Variants in ACRV1 observed in about 807,000 individuals in gnomAD.
ACRV1 encodes the protein acrosomal vesicle protein 1.
ACRV1 carries 17 observed loss-of-function variants against 29.2 expected under a neutral mutation model. That is an observed-to-expected ratio of 0.58 (90% confidence interval 0.40 to 0.87). ACRV1 has a LOEUF of 0.87. Among genes scored for constraint, ACRV1 ranks in the 40% least tolerant of loss-of-function variants. The pLI is 0.00. For synonymous variants in ACRV1, 98 were observed against 111.6 expected, an observed-to-expected ratio of 0.88 and a Z score of 0.77; for missense variants, 294 against 316.0, an observed-to-expected ratio of 0.93 and a Z score of 0.53.
Position 125,672,045 on chromosome 11 carries a change from A to G in ACRV1, c.*548T>C, listed in dbSNP as rs1942217366. 6.6e-6 allele frequency: 1 copy of G among 152,322 alleles called. No individual in the cohort carries two copies. Among genetic ancestry groups the G allele is most frequent in the Non-Finnish European group, 1.5e-5 (1 of 68,220 alleles). 9.4% of individuals were successfully genotyped at this position (152,322 alleles called of 1,614,324 possible). ...AGTAGTGGACTACTGAAGACTAGAA[A>G]CTCTCAAGAGCCAAAGAAGAGTTGA... On this transcript the variant is annotated 3_prime_UTR_variant, in exon 4 of 4. Coordinates refer to ENST00000533904, the MANE Select transcript of ACRV1 (RefSeq NM_001612.6).
intron 1 of ACRV1, among the ~76,000 whole-genome samples, chr11:125,678,974 CAT>C (rs1555078663): frequency 8.1e-4 from 19 of 23,544 alleles, no homozygotes; most frequent in South Asian, 2.2e-3. Context: ...AAAGTCTAGG[CAT>C]ATTATATATA....
chr11:125,673,212 CTTTTTTT>C (rs11434532), intron 3 of ACRV1, among the ~76,000 whole-genome samples: 7 of 126,840 alleles, frequency 5.5e-5, no homozygotes, highest in Admixed American at 5.2e-4. Context: ...CTTTTCTTTT[CTTTTTTT>C]TTTTTGAGAC....
In ACRV1 at chr11:125,678,012, T is replaced by C. The variant is rs1942608440; in HGVS notation, c.338A>G (p.Gln113Arg). ...ACCTGAAGGCTGTTCTCCTGAAGGC[T>C]GCTCACCTACAGTATGCTCACCTTC... ...HAEGEHTVGE[Q>R]PSGEQPSGEH... Residue 113 changes from glutamine to arginine, a missense_variant, in exon 2 of 4, where the codon CAG (glutamine) becomes CGG (arginine). Gln to Arg is a conservative substitution (Grantham distance 43). Transcript: ENST00000533904. 1.9e-6 allele frequency: 3 copies of C among 1,614,160 alleles called. No individual in the cohort carries two copies. The highest frequency in any genetic ancestry group is 1.7e-6 in the Non-Finnish European group (2 of 1,180,018).
At chr11:125,672,746 CAGAA>C in intron 3 of ACRV1, 29 bp from the exon 4 acceptor site, 1 of 1,612,422 alleles carries the variant, frequency 6.2e-7, no homozygotes, top group Non-Finnish European at 8.5e-7. Context: ...GACTAGTGAG[CAGAA>C]AGCTTCGTCC....
intron 3 of ACRV1, among the ~76,000 whole-genome samples, chr11:125,675,103 G>C (rs986125948): frequency 1.3e-5 from 2 of 152,168 alleles, no homozygotes; most frequent in Non-Finnish European, 2.9e-5. Context: ...TCTATTCCCA[G>C]AGATCCTGGT....
intron 3 of ACRV1, among the ~76,000 whole-genome samples, chr11:125,673,824 C>G (rs145173134): frequency 1.4e-3 from 211 of 152,210 alleles, no homozygotes; most frequent in African/African-American, 4.5e-3. Context: ...TCTGTCAGTT[C>G]TACTTGCAAT....
rs747960965 is a variant in ACRV1 at position 125,680,760 on chromosome 11, T to C, written c.21A>G (p.Leu7=). 3 of 1,613,778 alleles carry C rather than the reference T, an allele frequency of 1.9e-6. No individual in the cohort carries two copies. Among genetic ancestry groups the C allele is most frequent in the Non-Finnish European group, 2.5e-6 (3 of 1,179,790 alleles). Reference sequence around the variant, plus strand: ...CAGATCCAAGCAGATAAAGACTCATTAGCAAGAGAAACCTGTTCATCTGGA... The same window carrying C: ...CAGATCCAAGCAGATAAAGACTCATCAGCAAGAGAAACCTGTTCATCTGGA... The part of the protein sequence containing the change: MNRFLL[L]MSLYLLGSAR... The change falls in exon 1 of 4, where the codon CTA becomes CTG. Residue 7 remains leucine, a synonymous_variant. Transcript: ENST00000533904.
chr11:125,674,875 A>G (rs745979485), intron 3 of ACRV1, among the ~76,000 whole-genome samples: 11 of 152,228 alleles, frequency 7.2e-5, no homozygotes, highest in Admixed American at 2.0e-4. Context: ...GCTCCAGTCA[A>G]CCTTTCCAAG....
rs1354045635 is a variant in ACRV1, at chr11:125,677,854, C to G, written c.496G>C (p.Gly166Arg). 1.2e-6 allele frequency: 2 copies of G among 1,614,052 alleles called. No individual in the cohort carries two copies. The highest frequency in any genetic ancestry group is 1.7e-6 in the Non-Finnish European group (2 of 1,180,018). ...GCCTGTTCCCCTGAAGCGTGCTCAC[C>G]TGAAGGCTGTTCACCCGAGGCCTGC... ...GEQASGEQPSGEHASGEQASG... is the reference protein window; with the variant it reads ...GEQASGEQPSREHASGEQASG... The change falls in exon 2 of 4, where the codon GGT (glycine) becomes CGT (arginine). Residue 166 changes from glycine to arginine, a missense_variant. Gly to Arg is a moderately radical substitution (Grantham distance 125, BLOSUM62 -2). Transcript: ENST00000533904.
chr11:125,676,150 C>A, intron 3 of ACRV1: 1 of 517,104 alleles, frequency 1.9e-6, no homozygotes, highest in Non-Finnish European at 3.4e-6. Flanking sequence ...TCAAGTGATC[C>A]ACCTGCCTTG....
In ACRV1 at chr11:125,679,304, G is replaced by A. The variant is rs138279137; in HGVS notation, c.53-1007C>T. On this transcript the variant is annotated intron_variant, in intron 1 of 3. Coordinates refer to ENST00000533904, the MANE Select transcript of ACRV1 (RefSeq NM_001612.6). ...ACAATCTTGGCTCACTGCAACCTCC[G>A]CCTCCCGGGTTCAAGTGATCCTCCT... Among the ~76,000 whole-genome samples, 590 of 143,752 alleles carry A rather than the reference G, an allele frequency of 4.1e-3. 1 individual carries two copies. The highest frequency in any genetic ancestry group is 0.014 in the African/African-American group (549 of 39,086). 94.3% of individuals were successfully genotyped at this position (143,752 alleles called of 152,430 possible).
intron 1 of ACRV1, 25 bp downstream of exon 1, chr11:125,680,704 C>G: frequency 1.9e-6 from 3 of 1,607,258 alleles, no homozygotes; most frequent in Non-Finnish European, 2.6e-6. Context: ...TTTGTATTTA[C>G]CTGAAGCCTA....
At chr11:125,679,187 A>AGT (rs1454671208) in intron 1 of ACRV1, among the ~76,000 whole-genome samples, 3 of 144,540 alleles carry the variant, frequency 2.1e-5, no homozygotes, top group Non-Finnish European at 4.5e-5. Flanking sequence ...TTTTCTGGCC[A>AGT]GTCTCTTCTA....
rs373765595 is a variant in ACRV1, at chr11:125,676,533, T to TTGA, written c.554-58_554-56dup. The TTGA allele has an allele frequency of 8.9e-5, 143 of 1,605,262 alleles. 1 individual carries two copies. In the African/African-American group the frequency reaches 1.6e-3, roughly 18 times the overall value. ...TTCCTTGTGGACCAGATGTGTAGCC[T>TTGA]TGATTCACATCTGGGAGGGGTAATG... On this transcript the variant is annotated intron_variant, in intron 2 of 3. Coordinates refer to ENST00000533904, the MANE Select transcript of ACRV1 (RefSeq NM_001612.6).
In ACRV1 at chr11:125,672,756, C is replaced by T. The variant is rs540870844; in HGVS notation, c.674-39G>A. The T allele has an allele frequency of 9.7e-5, 156 of 1,611,368 alleles. 1 individual carries two copies. In the South Asian group the frequency reaches 1.4e-3, roughly 15 times the overall value. On this transcript the variant is annotated intron_variant, in intron 3 of 3. Transcript: ENST00000533904. ...AGACAGACTAGTGAGCAGAAAGCTT[C>T]GTCCTCCAACCTTAGCCTTTATCTG...
intron 3 of ACRV1, among the ~76,000 whole-genome samples, chr11:125,673,406 T>G (rs1028148111): frequency 4.6e-5 from 7 of 152,000 alleles, no homozygotes; most frequent in African/African-American, 1.7e-4. Flanking sequence ...TTTCACCATG[T>G]TGGTCAGGCT....
rs555801550 is a variant in ACRV1 at position 125,677,776 on chromosome 11, A to C, written c.553+21T>G. On this transcript the variant is annotated intron_variant, in intron 2 of 3. Transcript: ENST00000533904. ...TTCCCACCTGAAGTCAATGACTGGCACCCATCCAAACATGGCTCACCTGTA... is the reference window on the plus strand; with the variant it reads ...TTCCCACCTGAAGTCAATGACTGGCCCCCATCCAAACATGGCTCACCTGTA... 200 of 1,611,392 alleles carry C rather than the reference A, an allele frequency of 1.2e-4. 2 individuals are homozygous for C. The South Asian group carries it at 2.1e-3, about 17-fold the overall frequency.
chr11:125,680,427 T>TG (rs2134135384), intron 1 of ACRV1, among the ~76,000 whole-genome samples: 1 of 152,326 alleles, frequency 6.6e-6, no homozygotes, highest in Admixed American at 6.5e-5. Flanking sequence ...AAACCTTCAT[T>TG]GGGCTTCTAC....
chr11:125,678,736 G>A (rs1400864688), intron 1 of ACRV1, among the ~76,000 whole-genome samples: 1 of 151,928 alleles, frequency 6.6e-6, no homozygotes, highest in Non-Finnish European at 1.5e-5. Context: ...AGAAGAGGGA[G>A]AGAGAAAGCA....
Sources: gnomAD v4.1 joint callset for allele counts (sites outside exome capture counted in the v4.1 genomes callset) on GRCh38, gnomAD v4.1.1 for gene constraint, MANE v1.5 for transcripts, NCBI Gene and HGNC (gene_info 2026-07-23, HGNC 2026-07-21) for gene names.